Variants in GRIP1 observed in about 807,000 individuals in gnomAD.
GRIP1 encodes glutamate receptor interacting protein 1.
Under a neutral mutation model 129.9 loss-of-function variants are expected in GRIP1, and 45 were observed. The ratio of observed to expected loss-of-function variants is 0.35; its 90% CI spans 0.27 to 0.44. The LOEUF (loss-of-function observed/expected upper bound fraction) is 0.44, where lower values mean the gene tolerates loss of function less well. Ranked by LOEUF, GRIP1 falls within the 20% of genes least tolerant of loss-of-function variation. The pLI is 1.00. For synonymous variants in GRIP1, 530 were observed against 520.8 expected (o/e 1.02, Z -0.24); for missense variants, 1,196 against 1,396.8 (o/e 0.86, Z 2.29).
At chr12:66,530,761 G>A (rs1450502495) in intron 4 of GRIP1, among the ~76,000 whole-genome samples, 1 of 151,674 alleles carries the variant, frequency 6.6e-6, no homozygotes, top group African/African-American at 2.4e-5. Context: ...TCCACAAACT[G>A]GTATTTTATC....
At chr12:66,581,120 A>C (rs1592592169) in intron 2 of GRIP1, among the ~76,000 whole-genome samples, 1 of 152,222 alleles carries the variant, frequency 6.6e-6, no homozygotes, top group Non-Finnish European at 1.5e-5. Context: ...CCACTCAACT[A>C]CATGGAAACT....
At chr12:66,930,394 G>A (rs12820561) in intron 1 of GRIP1, among the ~76,000 whole-genome samples, 28,415 of 147,016 alleles carry the variant, frequency 0.19, 2,821 homozygotes, top group South Asian at 0.23. Flanking sequence ...ACTGAGAATG[G>A]TGATTTCCAA....
chr12:66,910,892 T>C (rs947148541), intron 1 of GRIP1, among the ~76,000 whole-genome samples: 4 of 152,084 alleles, frequency 2.6e-5, no homozygotes, highest in Non-Finnish European at 4.4e-5. Flanking sequence ...ACATACTGGA[T>C]CTCCAGGTCA....
At chr12:66,926,655 T>C (rs2041300583) in intron 1 of GRIP1, among the ~76,000 whole-genome samples, 1 of 152,222 alleles carries the variant, frequency 6.6e-6, no homozygotes, top group South Asian at 2.1e-4. Context: ...GCATATTTGG[T>C]TAGTAGGCCT....
chr12:67,037,102 T>C (rs774395), intron 1 of GRIP1, among the ~76,000 whole-genome samples: 102,967 of 151,656 alleles, frequency 0.68, 35,303 homozygotes, highest in East Asian at 0.86. Flanking sequence ...AAGGCCAAGG[T>C]GGGTGGATCA....
intron 7 of GRIP1, among the ~76,000 whole-genome samples, chr12:66,492,456 C>T (rs2060127934): frequency 6.6e-6 from 1 of 152,012 alleles, no homozygotes; most frequent in African/African-American, 2.4e-5. Context: ...TAACCAATGT[C>T]CTGTCAACCG....
chr12:66,559,686 T>G (rs2062452479), intron 2 of GRIP1, among the ~76,000 whole-genome samples: 1 of 152,086 alleles, frequency 6.6e-6, no homozygotes, highest in African/African-American at 2.4e-5. Flanking sequence ...ACACAAAAAA[T>G]GGAAAGATAC....
At chr12:66,869,789 A>G (rs1054001532) in intron 1 of GRIP1, among the ~76,000 whole-genome samples, 10 of 152,288 alleles carry the variant, frequency 6.6e-5, no homozygotes, top group Non-Finnish European at 1.5e-4. Flanking sequence ...GATACAAGAC[A>G]AAAACTTCCA....
At chr12:66,794,837 T>C (rs2038649428) in intron 1 of GRIP1, among the ~76,000 whole-genome samples, 1 of 152,106 alleles carries the variant, frequency 6.6e-6, no homozygotes, top group Admixed American at 6.6e-5. Context: ...AAGAGAGAGG[T>C]GTTTGTTCCT....
chr12:66,910,467 C>T (rs1409718251), intron 1 of GRIP1, among the ~76,000 whole-genome samples: 1 of 152,156 alleles, frequency 6.6e-6, no homozygotes, highest in Non-Finnish European at 1.5e-5. Context: ...ACCACCAAAT[C>T]TGTATTGAAA....
At chr12:66,688,284 C>T (rs1426886790) in intron 1 of GRIP1, among the ~76,000 whole-genome samples, 1 of 152,256 alleles carries the variant, frequency 6.6e-6, no homozygotes, top group South Asian at 2.1e-4. Flanking sequence ...TCTAAAATTC[C>T]TTACAGTTCT....
chr12:66,583,702 A>G (rs1185952703), intron 2 of GRIP1, among the ~76,000 whole-genome samples: 2 of 139,428 alleles, frequency 1.4e-5, no homozygotes, highest in Non-Finnish European at 3.2e-5. Flanking sequence ...TCAAAACCAC[A>G]GTGATATACC....
intron 7 of GRIP1, among the ~76,000 whole-genome samples, chr12:66,502,766 C>T (rs1284204392): frequency 6.6e-6 from 1 of 152,152 alleles, no homozygotes; most frequent in Non-Finnish European, 1.5e-5. Flanking sequence ...TGACACCATG[C>T]TTGTACAGCC....
chr12:66,938,250 C>T (rs2041519860), intron 1 of GRIP1, among the ~76,000 whole-genome samples: 2 of 152,016 alleles, frequency 1.3e-5, no homozygotes, highest in South Asian at 4.1e-4. Flanking sequence ...GTGGCACACG[C>T]CTGTAGTCCC....
chr12:66,471,539 G>A (rs913004354), intron 7 of GRIP1, among the ~76,000 whole-genome samples: 2 of 152,150 alleles, frequency 1.3e-5, no homozygotes, highest in Non-Finnish European at 2.9e-5. Context: ...TATGTTATGT[G>A]AATTTTGCTC....
intron 7 of GRIP1, among the ~76,000 whole-genome samples, chr12:66,507,050 C>T (rs1283940491): frequency 2.0e-5 from 3 of 152,134 alleles, no homozygotes; most frequent in East Asian, 1.9e-4. Flanking sequence ...AAAGTTAAGT[C>T]GGTAACCCAC....
intron 1 of GRIP1, among the ~76,000 whole-genome samples, chr12:66,665,066 T>C (rs1198217350): frequency 6.6e-6 from 1 of 152,110 alleles, no homozygotes; most frequent in Admixed American, 6.6e-5. Context: ...TAGGCTAGAG[T>C]GCAGTGGGGC....
chr12:66,661,568 T>G (rs1036037730), intron 1 of GRIP1, among the ~76,000 whole-genome samples: 1 of 152,114 alleles, frequency 6.6e-6, no homozygotes, highest in African/African-American at 2.4e-5. Context: ...AGCATAATCT[T>G]TTTCAAAACC....
intron 1 of GRIP1, among the ~76,000 whole-genome samples, chr12:66,788,337 A>C (rs964967269): frequency 6.7e-6 from 1 of 150,374 alleles, no homozygotes; most frequent in African/African-American, 2.5e-5. Context: ...CTGGAATTTT[A>C]TTTCTTTGAG....
Sources: allele counts gnomAD v4.1 joint callset (sites outside exome capture counted in the v4.1 genomes callset), GRCh38; gene constraint gnomAD v4.1.1; transcripts MANE v1.5; gene names NCBI Gene and HGNC (gene_info 2026-07-23, HGNC 2026-07-21).